The following NKAIN3 variants were observed in gnomAD, a reference collection of about 807,000 sequenced individuals.
NKAIN3 encodes the protein sodium/potassium transporting ATPase interacting 3.
In NKAIN3, 25 loss-of-function variants were observed where a neutral mutation model predicts 30.2. The observed-to-expected ratio is 0.83, with a 90% CI of 0.60 to 1.16. NKAIN3 has a LOEUF of 1.16. Among genes scored for constraint, NKAIN3 ranks in the 50% most tolerant of loss-of-function variants. NKAIN3 has a pLI of 0.00. For missense variants in NKAIN3, 225 were observed against 254.1 expected (o/e 0.89, Z 0.78); for synonymous variants, 91 against 89.6 (o/e 1.02, Z -0.09).
intron 5 of NKAIN3, among the ~76,000 whole-genome samples, chr8:62,994,246 A>T (rs1804050923): frequency 6.6e-6 from 1 of 152,236 alleles, no homozygotes; most frequent in Non-Finnish European, 1.5e-5. Flanking sequence ...TACATAAATT[A>T]TGGTACTGCC....
intron 4 of NKAIN3, among the ~76,000 whole-genome samples, chr8:62,898,293 G>T (rs558753835): frequency 6.6e-6 from 1 of 152,216 alleles, no homozygotes; most frequent in African/African-American, 2.4e-5. Flanking sequence ...ATTCACAATT[G>T]CAAAGATATG....
chr8:62,590,004 CA>C (rs1810605025), intron 3 of NKAIN3, among the ~76,000 whole-genome samples: 1 of 151,016 alleles, frequency 6.6e-6, no homozygotes, highest in Non-Finnish European at 1.5e-5. Context: ...CATGGAACTT[CA>C]AAACAACTGC....
intron 5 of NKAIN3, among the ~76,000 whole-genome samples, chr8:62,921,132 G>A (rs1490687058): frequency 1.3e-5 from 2 of 152,112 alleles, no homozygotes; most frequent in Non-Finnish European, 2.9e-5. Flanking sequence ...CCTCAGTGAG[G>A]AAGACATGTC....
chr8:62,386,555 A>G (rs1405173246), intron 1 of NKAIN3, among the ~76,000 whole-genome samples: 5 of 152,352 alleles, frequency 3.3e-5, no homozygotes, highest in African/African-American at 7.2e-5. Context: ...AAAATAAATT[A>G]CAAAATAAGC....
chr8:62,291,749 A>T (rs1048339260), intron 1 of NKAIN3, among the ~76,000 whole-genome samples: 1 of 152,186 alleles, frequency 6.6e-6, no homozygotes, highest in Non-Finnish European at 1.5e-5. Flanking sequence ...GATGTCTATT[A>T]GGTCTGCATG....
rs144159019 is a variant in NKAIN3 at position 62,806,297 on chromosome 8, T to G, written c.471+59168T>G. Among the ~76,000 whole-genome samples the G allele has an allele frequency of 7.6e-4, 116 of 152,336 alleles. 1 individual carries two copies. The highest frequency in any genetic ancestry group is 2.5e-3 in the African/African-American group (102 of 41,578). ...AATACCATTTGACCCAGCCATCCCA[T>G]TACTGGGTATATACCGAAAGGACTA... On this transcript the variant is annotated intron_variant, in intron 4 of 6. Transcript: ENST00000623646.
intron 1 of NKAIN3, among the ~76,000 whole-genome samples, chr8:62,447,934 ATC>A (rs1232339164): frequency 6.6e-6 from 1 of 151,994 alleles, no homozygotes; most frequent in African/African-American, 2.4e-5. Context: ...TAAAACCTTT[ATC>A]TGAGTACTTG....
chr8:62,844,524 T>C (rs796704902), intron 4 of NKAIN3, among the ~76,000 whole-genome samples: 8 of 152,298 alleles, frequency 5.3e-5, no homozygotes, highest in African/African-American at 1.9e-4. Flanking sequence ...TGAAAAATGT[T>C]ACTTTTTACC....
intron 4 of NKAIN3, among the ~76,000 whole-genome samples, chr8:62,850,696 C>G (rs1819866383): frequency 6.6e-6 from 1 of 151,964 alleles, no homozygotes; most frequent in African/African-American, 2.4e-5. Context: ...TTCCCAGCAC[C>G]ATTTATTAAA....
intron 1 of NKAIN3, among the ~76,000 whole-genome samples, chr8:62,339,889 A>G (rs1197532668): frequency 1.3e-5 from 2 of 152,062 alleles, no homozygotes; most frequent in Non-Finnish European, 2.9e-5. Context: ...ATTCAGGACT[A>G]TTGTGATAGG....
chr8:62,521,426 G>T (rs1350646936), intron 1 of NKAIN3, among the ~76,000 whole-genome samples: 3 of 152,142 alleles, frequency 2.0e-5, no homozygotes, highest in South Asian at 2.1e-4. Flanking sequence ...GGGAAGCTGT[G>T]AATTGGTGGA....
chr8:62,540,621 G>A (rs1001038993), intron 1 of NKAIN3, among the ~76,000 whole-genome samples: 14 of 151,990 alleles, frequency 9.2e-5, no homozygotes, highest in African/African-American at 3.4e-4. Flanking sequence ...AGAACCCTCT[G>A]GCTTAAAATA....
At chr8:62,848,681 T>A (rs1819766342) in intron 4 of NKAIN3, among the ~76,000 whole-genome samples, 1 of 152,110 alleles carries the variant, frequency 6.6e-6, no homozygotes, top group Non-Finnish European at 1.5e-5. Context: ...CCTGATTGCC[T>A]GGGCCAGAAC....
Position 62,982,928 on chromosome 8 carries a change from T to G in NKAIN3, c.*17521T>G, listed in dbSNP as rs1282016045. ...GGAAATCTCATCTCCTGTCTGTTGATAGTAGAGCTTATATCAAACTGGGAC... is the reference window on the plus strand; with the variant it reads ...GGAAATCTCATCTCCTGTCTGTTGAGAGTAGAGCTTATATCAAACTGGGAC... On this transcript the variant is annotated 3_prime_UTR_variant, in exon 7 of 7. Transcript: ENST00000623646. The G allele has an allele frequency of 2.6e-5, 4 of 152,334 alleles. No individual in the cohort carries two copies. The East Asian group carries it at 5.8e-4, about 22-fold the overall frequency. 9.4% of individuals were successfully genotyped at this position (152,334 alleles called of 1,614,324 possible).
At chr8:62,614,285 C>T (rs984430062) in intron 3 of NKAIN3, among the ~76,000 whole-genome samples, 2 of 152,156 alleles carry the variant, frequency 1.3e-5, no homozygotes, top group Admixed American at 6.5e-5. Flanking sequence ...TATCCTGAAT[C>T]AAATCTGGGA....
intron 1 of NKAIN3, among the ~76,000 whole-genome samples, chr8:62,535,666 G>T (rs1470802686): frequency 2.6e-5 from 4 of 152,146 alleles, no homozygotes; most frequent in African/African-American, 4.8e-5. Flanking sequence ...AGGTATGGGG[G>T]AAAGGACATG....
chr8:62,682,156 A>T (rs1313139934), intron 3 of NKAIN3, among the ~76,000 whole-genome samples: 2 of 152,182 alleles, frequency 1.3e-5, no homozygotes, highest in East Asian at 3.9e-4. Flanking sequence ...AAATACTGTG[A>T]GTGTCCAAAG....
At chr8:62,285,300 G>T (rs1192487521) in intron 1 of NKAIN3, among the ~76,000 whole-genome samples, 1 of 152,182 alleles carries the variant, frequency 6.6e-6, no homozygotes, top group East Asian at 1.9e-4. Context: ...TCATGATGAT[G>T]AAAAGTTGAG....
chr8:62,946,443 G>C (rs932443734), intron 5 of NKAIN3, among the ~76,000 whole-genome samples: 1 of 152,134 alleles, frequency 6.6e-6, no homozygotes, highest in East Asian at 1.9e-4. Context: ...TGACACTGCA[G>C]AGTAGCTCAT....
Sources: gnomAD v4.1 joint callset for allele counts (sites outside exome capture counted in the v4.1 genomes callset) on GRCh38, gnomAD v4.1.1 for gene constraint, MANE v1.5 for transcripts, NCBI Gene and HGNC (gene_info 2026-07-23, HGNC 2026-07-21) for gene names.